Variants in LY75 observed in about 807,000 individuals in gnomAD.
LY75 encodes C-type lectin domain family 13 member B.
In LY75, 185 loss-of-function variants were observed where a neutral mutation model predicts 231.7. The observed-to-expected ratio is 0.80, with a 90% CI of 0.71 to 0.90. The LOEUF is 0.90. LY75 is among the 40% of genes least tolerant of loss of function. The pLI is 0.00. For missense variants in LY75, 1,947 were observed against 2,050.2 expected (o/e 0.95, Z 0.97); for synonymous variants, 668 against 689.0 (o/e 0.97, Z 0.48).
intron 7 of LY75, among the ~76,000 whole-genome samples, chr2:159,881,502 G>A (rs986279033): frequency 2.0e-5 from 3 of 151,950 alleles, no homozygotes; most frequent in Non-Finnish European, 4.4e-5. Flanking sequence ...GCTTTGTGGG[G>A]TGAATGAAAT....
intron 28 of LY75, among the ~76,000 whole-genome samples, chr2:159,823,534 T>C (rs534338150): frequency 6.6e-6 from 1 of 152,298 alleles, no homozygotes; most frequent in South Asian, 2.1e-4. Context: ...TTCAGGATAT[T>C]ATCTGGGAGA....
intron 31 of LY75, among the ~76,000 whole-genome samples, chr2:159,812,923 C>T (rs1683005937): frequency 6.6e-6 from 1 of 152,220 alleles, no homozygotes; most frequent in Non-Finnish European, 1.5e-5. Flanking sequence ...CTGGGTACTA[C>T]CTCATATAAA....
At chr2:159,850,492 C>T in intron 21 of LY75, 25 bp from the exon 22 acceptor site, 2 of 1,611,906 alleles carry the variant, frequency 1.2e-6, no homozygotes, top group Non-Finnish European at 1.7e-6. Context: ...ATATGTGAAG[C>T]ATGAGATTCC....
intron 4 of LY75, among the ~76,000 whole-genome samples, chr2:159,889,297 T>C (rs1413966650): frequency 6.6e-6 from 1 of 152,178 alleles, no homozygotes; most frequent in East Asian, 1.9e-4. Context: ...GATGCCATCA[T>C]AGCTCTCTGC....
intron 21 of LY75, among the ~76,000 whole-genome samples, chr2:159,850,789 T>TATATATATATATATATAAAAAA (rs796940571): frequency 1.1e-5 from 1 of 88,666 alleles, no homozygotes; most frequent in South Asian, 2.5e-4. Flanking sequence ...TATATATATA[T>TATATATATATATATATAAAAAA]ATATATATAT....
chr2:159,811,041 T>A (rs1309167066), intron 31 of LY75, among the ~76,000 whole-genome samples: 1 of 152,092 alleles, frequency 6.6e-6, no homozygotes. Flanking sequence ...TTTTTGTTTA[T>A]TATTATTTTT....
chr2:159,903,186 G>C (rs933384517), intron 1 of LY75: 1 of 152,204 alleles, frequency 6.6e-6, no homozygotes, highest in Non-Finnish European at 1.5e-5. Context: ...GTTAAACCTG[G>C]TGCTTTTTGC....
At chr2:159,868,283 G>T (rs1188318815) in intron 13 of LY75, among the ~76,000 whole-genome samples, 1 of 152,068 alleles carries the variant, frequency 6.6e-6, no homozygotes, top group East Asian at 1.9e-4. Flanking sequence ...AAGGAGATTT[G>T]TTTTTTCTCT....
rs902182367 is a variant in LY75, at chr2:159,879,430, T to A, written c.1405-61A>T. Reference sequence around the variant, plus strand: ...AAATTATTTACCGCATATTCAGAACTGAACTCACAAAAACTATGACAGAGA... The same window carrying A: ...AAATTATTTACCGCATATTCAGAACAGAACTCACAAAAACTATGACAGAGA... On this transcript the variant is annotated intron_variant, in intron 8 of 34. Coordinates refer to ENST00000263636, the MANE Select transcript of LY75 (RefSeq NM_002349.4). 25 of 1,596,052 alleles carry A rather than the reference T, an allele frequency of 1.6e-5. No individual in the cohort carries two copies. The African/African-American group carries it at 3.4e-4, about 22-fold the overall frequency.
At chr2:159,848,554 A>G (rs1684290358) in intron 23 of LY75, among the ~76,000 whole-genome samples, 2 of 152,206 alleles carry the variant, frequency 1.3e-5, no homozygotes, top group African/African-American at 4.8e-5. Flanking sequence ...AGCAACCATT[A>G]AAAAGCTTAT....
intron 11 of LY75, 61 bp from the exon 12 acceptor site, chr2:159,875,704 G>A (rs1685246747): frequency 6.3e-7 from 1 of 1,591,914 alleles, no homozygotes; most frequent in Non-Finnish European, 8.5e-7. Flanking sequence ...ACATTTTCTA[G>A]TGTTTCTACT....
chr2:159,822,884 G>C (rs1227063549), intron 28 of LY75, among the ~76,000 whole-genome samples: 2 of 152,172 alleles, frequency 1.3e-5, no homozygotes, highest in Non-Finnish European at 2.9e-5. Context: ...GGGCCTGTTA[G>C]AAGGAAAACT....
chr2:159,857,609 G>A (rs1365118743), intron 16 of LY75, among the ~76,000 whole-genome samples: 1 of 152,138 alleles, frequency 6.6e-6, no homozygotes, highest in Admixed American at 6.6e-5. Context: ...AGGTGCGGTA[G>A]TGGGTGCCTG....
At chr2:159,853,575 A>G in intron 19 of LY75, 55 bp downstream of exon 19, 1 of 1,609,726 alleles carries the variant, frequency 6.2e-7, no homozygotes, top group Non-Finnish European at 8.5e-7. Flanking sequence ...TAGTAAAAGG[A>G]ACTGCTTCTT....
intron 28 of LY75, among the ~76,000 whole-genome samples, chr2:159,827,406 G>A (rs757235426): frequency 5.3e-5 from 8 of 152,176 alleles, no homozygotes; most frequent in Non-Finnish European, 8.8e-5. Flanking sequence ...AAACCACAAT[G>A]AGATACCATC....
intron 1 of LY75, among the ~76,000 whole-genome samples, chr2:159,900,965 A>G (rs1443377695): frequency 6.6e-6 from 1 of 152,036 alleles, no homozygotes; most frequent in Non-Finnish European, 1.5e-5. Context: ...CAGCCTCCCA[A>G]GTAGCTGAGA....
rs138255447 is a variant in LY75, at chr2:159,831,572, G to A, written c.3958+98C>T. On this transcript the variant is annotated intron_variant, in intron 28 of 34. Transcript: ENST00000263636. ...GCTAAGTACATAATTATACTTTCAC[G>A]TATTGATAGACATGTACTTTGAAGA... The A allele has an allele frequency of 1.7e-4, 223 of 1,280,396 alleles. No individual in the cohort carries two copies. The African/African-American group carries it at 1.9e-3, about 11-fold the overall frequency. 79.3% of individuals were successfully genotyped at this position (1,280,396 alleles called of 1,614,324 possible). A position where few individuals can be genotyped will look rare whatever the true frequency, so the allele number is the denominator to read the frequency against.
rs778367405 is a variant in LY75 at position 159,858,486 on chromosome 2, G to T, written c.2269-10C>A. 10 of 1,603,902 alleles carry T rather than the reference G, an allele frequency of 6.2e-6. No individual in the cohort carries two copies. The East Asian group carries it at 2.2e-4, about 36-fold the overall frequency. On this transcript the variant is annotated splice_polypyrimidine_tract_variant and intron_variant, in intron 15 of 34. Transcript: ENST00000263636. ...ATGGCCTATGAAATACCTATAAGAG[G>T]AAAAGTATTGCAGAATATTTTGAAG...
At position 159,875,707 on chromosome 2, in the gene LY75, T is replaced by C. The variant is rs1400520197; in HGVS notation, c.1775-64A>G. 3.2e-6 allele frequency: 5 copies of C among 1,581,106 alleles called. No homozygotes were observed. In the South Asian group the frequency reaches 3.5e-5, roughly 11 times the overall value. On this transcript the variant is annotated intron_variant, in intron 11 of 34. Coordinates refer to ENST00000263636, the MANE Select transcript of LY75 (RefSeq NM_002349.4). ...GTTAAAGTTCAAACATTTTCTAGTG[T>C]TTCTACTCTTTACTTCAGCCAAGTT...
Sources: gnomAD v4.1 joint callset for allele counts (sites outside exome capture counted in the v4.1 genomes callset) on GRCh38, gnomAD v4.1.1 for gene constraint, MANE v1.5 for transcripts, NCBI Gene and HGNC (gene_info 2026-07-23, HGNC 2026-07-21) for gene names.